AMOTL1: variants seen among roughly 807,000 people sequenced by gnomAD.
The protein encoded by AMOTL1 is angiomotin-like protein 1.
A neutral mutation model predicts 102.9 loss-of-function variants in AMOTL1; 45 were observed. That is an observed-to-expected ratio of 0.44 (90% CI 0.34 to 0.56). AMOTL1 has a LOEUF of 0.56. Ranked by LOEUF, AMOTL1 falls within the 20% of genes least tolerant of loss-of-function variation. AMOTL1 has a pLI of 0.01. For synonymous variants in AMOTL1, 481 were observed against 484.7 expected, an observed-to-expected ratio of 0.99 and a Z score of 0.10; for missense variants, 1,114 against 1,225.6, an observed-to-expected ratio of 0.91 and a Z score of 1.36.
chr11:94,767,650 G>T (rs1490258372), upstream of AMOTL1, among the ~76,000 whole-genome samples: 3 of 152,174 alleles, frequency 2.0e-5, no homozygotes, highest in South Asian at 6.2e-4. Flanking sequence ...CCAGAGAGCC[G>T]CCAGTATAAA....
At chr11:94,840,681 T>TACACACACAC (rs111907230) in intron 6 of AMOTL1, among the ~76,000 whole-genome samples, 45 of 104,768 alleles carry the variant, frequency 4.3e-4, no homozygotes, top group African/African-American at 1.7e-3. Flanking sequence ...TATATATATA[T>TACACACACAC]ACACACACAC....
At chr11:94,777,739 A>G (rs1380725382) in intron 1 of AMOTL1, among the ~76,000 whole-genome samples, 3 of 152,220 alleles carry the variant, frequency 2.0e-5, no homozygotes, top group Non-Finnish European at 4.4e-5. Flanking sequence ...TCTCTTATAG[A>G]AGAGACATTA....
chr11:94,808,352 A>G lies in AMOTL1; in HGVS notation c.1121+8041A>G, dbSNP rs565815672. 8.5e-4 allele frequency among the ~76,000 whole-genome samples: 130 copies of G among 152,294 alleles called. 1 individual carries two copies. Among genetic ancestry groups the G allele is most frequent in the African/African-American group, 3.0e-3 (126 of 41,562 alleles). On this transcript the variant is annotated intron_variant, in intron 3 of 12. Coordinates refer to ENST00000433060, the MANE Select transcript of AMOTL1 (RefSeq NM_130847.3). ...ATGTTTTGATTTTAATTTCTCTATT[A>G]ATTTTGCATAGGAAAATGTCTATTT... is the stretch of plus-strand genomic sequence containing the variant.
chr11:94,798,091 G>C lies in AMOTL1; in HGVS notation c.200-1299G>C, dbSNP rs368664139. 3.3e-4 allele frequency among the ~76,000 whole-genome samples: 50 copies of C among 152,294 alleles called. 1 individual carries two copies. The highest frequency in any genetic ancestry group is 1.1e-3 in the African/African-American group (45 of 41,560). ...TGTGTTGCTGAGAGCTTGTAATGTG[G>C]AATGAACACAGATTTGGTGTCATAT... On this transcript the variant is annotated intron_variant, in intron 2 of 12. Transcript: ENST00000433060.
chr11:94,709,944 A>G (rs1295636034), intron 1 of AMOTL1, among the ~76,000 whole-genome samples: 2 of 152,164 alleles, frequency 1.3e-5, no homozygotes, highest in Admixed American at 6.5e-5. Flanking sequence ...GCCTTATACC[A>G]CTAACTCAAA....
At chr11:94,821,453 T>C (rs1951864003) in intron 3 of AMOTL1, 77 bp from the exon 4 acceptor site, 1 of 1,452,224 alleles carries the variant, frequency 6.9e-7, no homozygotes, top group African/African-American at 1.4e-5. Flanking sequence ...CCATCAACAG[T>C]GCCAGTATTG....
rs138936514 is a variant in AMOTL1, at chr11:94,823,789, C to T, written c.1413+1968C>T. Among the ~76,000 whole-genome samples, 1,166 of 151,250 alleles carry T rather than the reference C, an allele frequency of 7.7e-3. 18 individuals carry two copies. The highest frequency in any genetic ancestry group is 0.027 in the African/African-American group (1,101 of 41,184). ...GGAGTGCAGTGGCGCGATCTCGGCT[C>T]ACTGCAATCTCCGCTTCCCAGGTTC... On this transcript the variant is annotated intron_variant, in intron 4 of 12. Coordinates refer to ENST00000433060, the MANE Select transcript of AMOTL1 (RefSeq NM_130847.3).
chr11:94,821,754 C>T lies in AMOTL1; in HGVS notation c.1346C>T (p.Thr449Ile), dbSNP rs1300050709. The change falls in exon 4 of 13, where the codon ACA (threonine) becomes ATA (isoleucine). Residue 449 changes from threonine to isoleucine, a missense_variant. Physicochemically the swap from Thr to Ile is moderately conservative, Grantham distance 89. Transcript: ENST00000433060. ...GCCCAGCAAATGGTGGAGATATTAA[C>T]AGAGGAGAACCGGGTGCTTCACCAG... ...ERAQQMVEIL[T>I]EENRVLHQEL... 1 of 1,613,904 alleles carries T rather than the reference C, an allele frequency of 6.2e-7. No homozygotes were observed. The highest frequency in any genetic ancestry group is 1.3e-5 in the African/African-American group (1 of 74,912).
chr11:94,823,811 G>A (rs1315900207), intron 4 of AMOTL1, among the ~76,000 whole-genome samples: 1 of 151,560 alleles, frequency 6.6e-6, no homozygotes. Flanking sequence ...CGCTTCCCAG[G>A]TTCAAGCGAT....
intron 3 of AMOTL1, among the ~76,000 whole-genome samples, chr11:94,819,699 T>C (rs1951829726): frequency 6.6e-6 from 1 of 152,194 alleles, no homozygotes; most frequent in Non-Finnish European, 1.5e-5. Context: ...GTAACCAAGC[T>C]GTACCCAGAC....
chr11:94,872,269 G>C lies in AMOTL1; in HGVS notation c.*1474G>C, dbSNP rs1953013139. The C allele has an allele frequency of 6.6e-6, 1 of 152,096 alleles. No individual in the cohort carries two copies. The highest frequency in any genetic ancestry group is 2.4e-5 in the African/African-American group (1 of 41,332). The allele number at this position is 152,096 out of a possible 1,614,324, so 9.4% of individuals were successfully genotyped here. ...ATCTAAGAGATGCTGGATTAGAAAA[G>C]AGGAGAAGCTCATCGGGCCATCAGA... On this transcript the variant is annotated 3_prime_UTR_variant, in exon 13 of 13. Coordinates refer to ENST00000433060, the MANE Select transcript of AMOTL1 (RefSeq NM_130847.3).
intron 1 of AMOTL1, among the ~76,000 whole-genome samples, chr11:94,720,331 G>A (rs1418959662): frequency 6.6e-6 from 1 of 152,116 alleles, no homozygotes; most frequent in African/African-American, 2.4e-5. Context: ...GGAATCGCAT[G>A]GAAAACCAGA....
chr11:94,837,616 A>G (rs1284578219), intron 6 of AMOTL1, among the ~76,000 whole-genome samples: 1 of 152,232 alleles, frequency 6.6e-6, no homozygotes, highest in African/African-American at 2.4e-5. Context: ...CCTGCAGGGC[A>G]TCTGTTTATG....
At chr11:94,857,856 C>T (rs1032454859) in intron 8 of AMOTL1, among the ~76,000 whole-genome samples, 3 of 152,030 alleles carry the variant, frequency 2.0e-5, no homozygotes, top group African/African-American at 4.8e-5. Context: ...CAATACTTGT[C>T]GTCTAGATGG....
chr11:94,815,411 A>C lies in AMOTL1; in HGVS notation c.1122-6119A>C, dbSNP rs186839541. 4.2e-3 allele frequency among the ~76,000 whole-genome samples: 632 copies of C among 152,278 alleles called. 12 individuals carry two copies. The highest frequency in any genetic ancestry group is 0.035 in the South Asian group (167 of 4,832). On this transcript the variant is annotated intron_variant, in intron 3 of 12. Transcript: ENST00000433060. ...GAAAACCTGAACTCCACAGGTTATA[A>C]AATGGTTAACATTTTTAATGATAAC... is the stretch of plus-strand genomic sequence containing the variant.
Position 94,826,562 on chromosome 11 carries a change from A to G in AMOTL1, c.1414-3488A>G, listed in dbSNP as rs1409914001. Among the ~76,000 whole-genome samples the G allele has an allele frequency of 3.9e-5, 6 of 152,310 alleles. No homozygotes were observed. In the East Asian group the frequency reaches 5.8e-4, roughly 15 times the overall value. On this transcript the variant is annotated intron_variant, in intron 4 of 12. Coordinates refer to ENST00000433060, the MANE Select transcript of AMOTL1 (RefSeq NM_130847.3). ...AAGGTCAAAGGGGAAGTGGACATGTATAAAGAGGCAAAACGTGAAGAGCAC... is the reference window on the plus strand; with the variant it reads ...AAGGTCAAAGGGGAAGTGGACATGTGTAAAGAGGCAAAACGTGAAGAGCAC...
chr11:94,844,516 G>A (rs537543099), intron 6 of AMOTL1, among the ~76,000 whole-genome samples: 10 of 152,314 alleles, frequency 6.6e-5, no homozygotes, highest in Admixed American at 1.3e-4. Context: ...TTCATAGTTC[G>A]GGAGGCTGGG....
At position 94,810,292 on chromosome 11, in the gene AMOTL1, TC is replaced by T. The variant is rs1951650353; in HGVS notation, c.1121+9982del. ...TAGGTAGTTCTAAATTTAGTCTCTG[TC>T]TTTTAACTGGATCTGTGAACTCTGG... On this transcript the variant is annotated intron_variant, in intron 3 of 12. Coordinates refer to ENST00000433060, the MANE Select transcript of AMOTL1 (RefSeq NM_130847.3). Among the ~76,000 whole-genome samples the T allele has an allele frequency of 2.6e-5, 4 of 152,262 alleles. No homozygotes were observed. The South Asian group carries it at 8.3e-4, about 32-fold the overall frequency.
intron 1 of AMOTL1, chr11:94,728,843 C>T: frequency 3.1e-6 from 2 of 645,418 alleles, no homozygotes; most frequent in East Asian, 6.9e-5. Flanking sequence ...GACCACTTTC[C>T]TTCAAGAAAG....
Sources: allele counts gnomAD v4.1 joint callset (sites outside exome capture counted in the v4.1 genomes callset), GRCh38; gene constraint gnomAD v4.1.1; transcripts MANE v1.5; gene names NCBI Gene and HGNC (gene_info 2026-07-23, HGNC 2026-07-21).